CNTNAP5: variants seen among roughly 807,000 people sequenced by gnomAD.
The protein encoded by CNTNAP5 is contactin associated protein family member 5.
CNTNAP5 carries 72 observed loss-of-function variants against 150.2 expected under a neutral mutation model. The ratio of observed to expected loss-of-function variants is 0.48; its 90% CI spans 0.40 to 0.58. CNTNAP5 has a LOEUF of 0.58. CNTNAP5 is among the 20% of genes least tolerant of loss of function. The probability of loss-of-function intolerance (pLI) is 0.00; values close to 1 mark genes in which losing one functional copy is unlikely to be tolerated. For missense variants in CNTNAP5, 1,636 were observed against 1,626.2 expected (o/e 1.01, Z -0.10); for synonymous variants, 672 against 619.8 (o/e 1.08, Z -1.25).
chr2:124,242,547 C>T (rs1247344246), intron 3 of CNTNAP5, 154 bp downstream of exon 3: 2 of 694,400 alleles, frequency 2.9e-6, no homozygotes, highest in South Asian at 4.1e-5. Flanking sequence ...AGGCCCATGC[C>T]CGGCATGGTT....
Position 124,709,216 on chromosome 2 carries a change from GGT to G in CNTNAP5, c.2078-37999_2078-37998del, listed in dbSNP as rs372309041. 3.2e-3 allele frequency among the ~76,000 whole-genome samples: 445 copies of G among 138,566 alleles called. 2 individuals are homozygous for G. The highest frequency in any genetic ancestry group is 1.0e-2 in the African/African-American group (372 of 37,348). 90.9% of individuals were successfully genotyped at this position (138,566 alleles called of 152,430 possible). The stretch of plus-strand genomic sequence containing the variant: ...ACTGCAAGCTTCCTGGGGGAGGGAG[GGT>G]GTGTGTGTGTGTGCGTGTGTGTGTG... On this transcript the variant is annotated intron_variant, in intron 13 of 23. Coordinates refer to ENST00000682447, the MANE Select transcript of CNTNAP5 (RefSeq NM_001367498.1).
chr2:124,354,223 A>T (rs1689943759), intron 3 of CNTNAP5, among the ~76,000 whole-genome samples: 1 of 152,248 alleles, frequency 6.6e-6, no homozygotes, highest in African/African-American at 2.4e-5. Context: ...AGTAAAAGAC[A>T]CAAATAACAC....
intron 3 of CNTNAP5, among the ~76,000 whole-genome samples, chr2:124,316,804 C>CAAAAAAAAAAAAAAA (rs56812690): frequency 3.6e-3 from 198 of 54,592 alleles, no homozygotes; most frequent in Non-Finnish European, 4.4e-3. Context: ...GACTCCATCT[C>CAAAAAAAAAAAAAAA]AAAAAAAAAA....
chr2:124,760,761 T>C (rs550757772), intron 14 of CNTNAP5, among the ~76,000 whole-genome samples: 140 of 152,274 alleles, frequency 9.2e-4, no homozygotes, highest in African/African-American at 3.2e-3. Flanking sequence ...GTATGTCATA[T>C]TTTTATTTCA....
In CNTNAP5 at chr2:124,510,477, GTATATATATATATA is replaced by G. The variant is rs70996072; in HGVS notation, c.1327+5950_1327+5963del. Among the ~76,000 whole-genome samples the G allele has an allele frequency of 6.2e-3, 639 of 102,500 alleles. 9 individuals carry two copies. Among genetic ancestry groups the G allele is most frequent in the Non-Finnish European group, 8.0e-3 (423 of 53,092 alleles). 67.2% of individuals were successfully genotyped at this position (102,500 alleles called of 152,430 possible). A position where few individuals can be genotyped will look rare whatever the true frequency, so the allele number is the denominator to read the frequency against. On this transcript the variant is annotated intron_variant, in intron 8 of 23. Coordinates refer to ENST00000682447, the MANE Select transcript of CNTNAP5 (RefSeq NM_001367498.1). ...ACAAAAAAGTAAATTTTATGTATGTGTATATATATATATATATATATATATATATATATATATAT... is the reference window on the plus strand; with the variant it reads ...ACAAAAAAGTAAATTTTATGTATGTGTATATATATATATATATATATATAT...
intron 12 of CNTNAP5, among the ~76,000 whole-genome samples, chr2:124,610,937 A>G (rs1677370405): frequency 7.6e-6 from 1 of 131,450 alleles, no homozygotes; most frequent in Non-Finnish European, 1.6e-5. Context: ...AGCCTGCGAC[A>G]GGGCGAGACA....
At chr2:124,495,416 C>A (rs879523049) in intron 7 of CNTNAP5, among the ~76,000 whole-genome samples, 3 of 151,912 alleles carry the variant, frequency 2.0e-5, no homozygotes, top group Non-Finnish European at 4.4e-5. Flanking sequence ...TTTGGGAGGG[C>A]AAAAAAAGAA....
At chr2:124,331,950 G>T (rs1200127775) in intron 3 of CNTNAP5, among the ~76,000 whole-genome samples, 1 of 151,656 alleles carries the variant, frequency 6.6e-6, no homozygotes, top group Non-Finnish European at 1.5e-5. Context: ...GTGTACTTTT[G>T]ATATTAAAGC....
chr2:124,416,994 G>A (rs1178487170), intron 3 of CNTNAP5, among the ~76,000 whole-genome samples: 1 of 143,984 alleles, frequency 6.9e-6, no homozygotes, highest in Non-Finnish European at 1.5e-5. Context: ...CTGGAGTGCA[G>A]TGGTATGATC....
At chr2:124,274,857 T>C (rs1278009274) in intron 3 of CNTNAP5, among the ~76,000 whole-genome samples, 1 of 152,180 alleles carries the variant, frequency 6.6e-6, no homozygotes, top group East Asian at 1.9e-4. Flanking sequence ...CCAGGCCATC[T>C]GACTTCTTTA....
At chr2:124,642,797 T>C (rs1678120847) in intron 12 of CNTNAP5, among the ~76,000 whole-genome samples, 1 of 152,236 alleles carries the variant, frequency 6.6e-6, no homozygotes, top group Non-Finnish European at 1.5e-5. Context: ...ACTGGGCACA[T>C]ATTTAAACAC....
At chr2:124,658,066 A>G (rs1398857105) in intron 13 of CNTNAP5, among the ~76,000 whole-genome samples, 2 of 152,208 alleles carry the variant, frequency 1.3e-5, no homozygotes. Flanking sequence ...CCTGGCACCT[A>G]GGGACAATTG....
chr2:124,784,360 T>G (rs1048450476), intron 17 of CNTNAP5, among the ~76,000 whole-genome samples: 6 of 152,178 alleles, frequency 3.9e-5, no homozygotes, highest in Non-Finnish European at 8.8e-5. Flanking sequence ...TAAAAGGAAC[T>G]GAGATGCTTC....
chr2:124,321,967 T>G (rs1214688767), intron 3 of CNTNAP5, among the ~76,000 whole-genome samples: 1 of 152,050 alleles, frequency 6.6e-6, no homozygotes, highest in Non-Finnish European at 1.5e-5. Context: ...CTGACCAACA[T>G]GGTGAAACCC....
chr2:124,716,156 C>G (rs904183716), intron 13 of CNTNAP5, among the ~76,000 whole-genome samples: 4 of 151,944 alleles, frequency 2.6e-5, no homozygotes, highest in African/African-American at 7.3e-5. Flanking sequence ...TTGCCAAGCC[C>G]CCTACAAGGC....
chr2:124,706,880 A>AAGAAGAGGAAGAGGAAGAAGGAGAAGG (rs140915064), intron 13 of CNTNAP5, among the ~76,000 whole-genome samples: 36,366 of 45,608 alleles, frequency 0.8, 14,995 homozygotes, highest in South Asian at 0.85. Flanking sequence ...GAAAGGGAAG[A>AAGAAGAGGAAGAGGAAGAAGGAGAAGG]AGAAGAGGAA....
chr2:124,234,729 A>G (rs946370120), intron 2 of CNTNAP5, among the ~76,000 whole-genome samples: 2 of 152,024 alleles, frequency 1.3e-5, no homozygotes, highest in Non-Finnish European at 2.9e-5. Flanking sequence ...AGGCAGACAG[A>G]CCTCCTTTCC....
chr2:124,874,563 T>C (rs976948559), intron 21 of CNTNAP5, among the ~76,000 whole-genome samples: 3 of 152,044 alleles, frequency 2.0e-5, no homozygotes, highest in Admixed American at 6.6e-5. Flanking sequence ...TCTTTACTCT[T>C]CTAAAATATA....
chr2:124,845,762 G>A (rs561313490), intron 19 of CNTNAP5, among the ~76,000 whole-genome samples: 1 of 152,086 alleles, frequency 6.6e-6, no homozygotes, highest in South Asian at 2.1e-4. Flanking sequence ...AGGTTCTCTA[G>A]TTTATGTGCA....
Sources: gnomAD v4.1 joint callset for allele counts (sites outside exome capture counted in the v4.1 genomes callset) on GRCh38, gnomAD v4.1.1 for gene constraint, MANE v1.5 for transcripts, NCBI Gene and HGNC (gene_info 2026-07-23, HGNC 2026-07-21) for gene names.